The following XPNPEP3 variants were observed in gnomAD, a reference collection of about 807,000 sequenced individuals.
XPNPEP3 encodes the protein X-prolyl aminopeptidase 3.
XPNPEP3 carries 41 observed loss-of-function variants against 60.0 expected under a neutral mutation model. The ratio of observed to expected loss-of-function variants is 0.68; its 90% CI spans 0.53 to 0.89. XPNPEP3 has a LOEUF of 0.89. Ranked by LOEUF, XPNPEP3 falls within the 40% of genes least tolerant of loss-of-function variation. XPNPEP3 has a pLI of 0.00. For synonymous variants in XPNPEP3, 212 were observed against 223.2 expected (o/e 0.95, Z 0.45); for missense variants, 598 against 638.9 (o/e 0.94, Z 0.69).
At chr22:40,883,538 T>A (rs900816584) in intron 3 of XPNPEP3, among the ~76,000 whole-genome samples, 1 of 152,132 alleles carries the variant, frequency 6.6e-6, no homozygotes, top group Non-Finnish European at 1.5e-5. Context: ...TTTTTTTATT[T>A]TTTTGTAGAG....
In XPNPEP3 at chr22:40,886,535, G is replaced by A; in HGVS notation, c.792+20G>A. 1 of 1,611,516 alleles carries A rather than the reference G, an allele frequency of 6.2e-7. No homozygotes were observed. The highest frequency in any genetic ancestry group is 8.5e-7 in the Non-Finnish European group (1 of 1,179,662). Reference sequence around the variant, plus strand: ...TCACAGGTATGATTCCTATTGAAAAGTTTTTTCCAGCCGGGCGCGGTGGCT... The same window carrying A: ...TCACAGGTATGATTCCTATTGAAAAATTTTTTCCAGCCGGGCGCGGTGGCT... On this transcript the variant is annotated intron_variant, in intron 4 of 9. Transcript: ENST00000357137.
intron 2 of XPNPEP3, among the ~76,000 whole-genome samples, chr22:40,878,970 G>C (rs1300811085): frequency 6.6e-6 from 1 of 151,834 alleles, no homozygotes; most frequent in South Asian, 2.1e-4. Context: ...AAAATAAGAT[G>C]AAAAAAAGGA....
chr22:40,925,010 T>C (rs992343709), intron 9 of XPNPEP3, among the ~76,000 whole-genome samples: 1 of 152,184 alleles, frequency 6.6e-6, no homozygotes, highest in Admixed American at 6.5e-5. Context: ...TATTAAGAAA[T>C]GAATCTTTTT....
At chr22:40,882,255 A>G (rs1601499208) in intron 3 of XPNPEP3, 78 bp downstream of exon 3, 1 of 1,515,198 alleles carries the variant, frequency 6.6e-7, no homozygotes, top group East Asian at 2.3e-5. Flanking sequence ...ACAAGTCCTT[A>G]ATTTTGTTAT....
At chr22:40,902,824 C>T (rs2058139691) in intron 4 of XPNPEP3, among the ~76,000 whole-genome samples, 1 of 152,190 alleles carries the variant, frequency 6.6e-6, no homozygotes, top group Non-Finnish European at 1.5e-5. Context: ...GTATCACAGC[C>T]TGTGGCTGTC....
chr22:40,904,798 C>T (rs777780644), intron 4 of XPNPEP3, among the ~76,000 whole-genome samples: 8 of 151,900 alleles, frequency 5.3e-5, no homozygotes, highest in Non-Finnish European at 8.8e-5. Context: ...GGAGTCTTGC[C>T]GTGGTACCCA....
At chr22:40,896,511 T>C (rs1229457838) in intron 4 of XPNPEP3, among the ~76,000 whole-genome samples, 2 of 151,938 alleles carry the variant, frequency 1.3e-5, no homozygotes, top group East Asian at 1.9e-4. Flanking sequence ...ACTAAAAATA[T>C]AGAAAATTAG....
At chr22:40,884,442 G>T (rs2058060527) in intron 3 of XPNPEP3, among the ~76,000 whole-genome samples, 1 of 150,338 alleles carries the variant, frequency 6.7e-6, no homozygotes, top group African/African-American at 2.5e-5. Flanking sequence ...TAATTCTCCT[G>T]CCTCAGCCTC....
intron 7 of XPNPEP3, 127 bp from the exon 8 acceptor site, chr22:40,922,206 A>G (rs2058218992): frequency 9.3e-7 from 1 of 1,080,678 alleles, no homozygotes; most frequent in Non-Finnish European, 1.4e-6. Context: ...ATAGATTGGT[A>G]CTTATTAAAC....
intron 4 of XPNPEP3, among the ~76,000 whole-genome samples, chr22:40,905,397 T>G (rs559326376): frequency 1.3e-5 from 2 of 152,084 alleles, no homozygotes; most frequent in African/African-American, 4.8e-5. Flanking sequence ...TGATTTTAAT[T>G]GTTCATTATC....
intron 1 of XPNPEP3, among the ~76,000 whole-genome samples, chr22:40,865,854 A>G (rs895158674): frequency 2.0e-5 from 3 of 152,100 alleles, no homozygotes; most frequent in Non-Finnish European, 4.4e-5. Context: ...GTACTCTTCT[A>G]GTTTTCCTTC....
chr22:40,859,347 G>T (rs886792708), intron 1 of XPNPEP3, among the ~76,000 whole-genome samples: 15 of 152,182 alleles, frequency 9.9e-5, no homozygotes, highest in Non-Finnish European at 1.8e-4. Flanking sequence ...AAGCTATTGA[G>T]TAAGATGATT....
Position 40,922,376 on chromosome 22 carries a change from ATCCAAAGAGATTGT to A in XPNPEP3, c.1101_1114del (p.Gln368GlyfsTer25). 6.2e-7 allele frequency: 1 copy of A among 1,613,822 alleles called. No homozygotes were observed. The stretch of plus-strand genomic sequence containing the variant: ...AGAACTCTATGAAGCCGTTCTAGAG[ATCCAAAGAGATTGT>A]TTGGCCCTCTGCTTCCCTGGGACAA... On this transcript the variant is annotated frameshift_variant, in exon 8 of 10. Transcript: ENST00000357137. LOFTEE classifies it high-confidence loss of function.
chr22:40,880,664 T>A (rs1235631504), intron 2 of XPNPEP3, among the ~76,000 whole-genome samples: 1 of 151,814 alleles, frequency 6.6e-6, no homozygotes, highest in East Asian at 1.9e-4. Flanking sequence ...ATTGTTACCT[T>A]TTTAAAATTA....
intron 1 of XPNPEP3, among the ~76,000 whole-genome samples, chr22:40,865,755 T>C (rs1262886132): frequency 6.6e-6 from 1 of 151,576 alleles, no homozygotes; most frequent in African/African-American, 2.4e-5. Context: ...GGTCCCGAAC[T>C]CCTGGCCTCA....
chr22:40,877,702 T>C (rs1269360416), intron 2 of XPNPEP3, among the ~76,000 whole-genome samples: 1 of 152,206 alleles, frequency 6.6e-6, no homozygotes, highest in Non-Finnish European at 1.5e-5. Context: ...ATGCTGACTT[T>C]GTTTTTTAAT....
At chr22:40,886,232 T>G in intron 3 of XPNPEP3, 81 bp from the exon 4 acceptor site, 1 of 1,430,576 alleles carries the variant, frequency 7.0e-7, no homozygotes, top group Non-Finnish European at 9.8e-7. Context: ...TTTTGACTCT[T>G]GTTCAAGTCG....
At chr22:40,891,196 A>AG (rs2058087001) in intron 4 of XPNPEP3, among the ~76,000 whole-genome samples, 1 of 151,152 alleles carries the variant, frequency 6.6e-6, no homozygotes, top group African/African-American at 2.4e-5. Flanking sequence ...AAAAAAAAAA[A>AG]AAAAAAGTTT....
intron 5 of XPNPEP3, among the ~76,000 whole-genome samples, 155 bp downstream of exon 5, chr22:40,907,804 C>G (rs1003785674): frequency 6.6e-6 from 1 of 152,122 alleles, no homozygotes; most frequent in Non-Finnish European, 1.5e-5. Context: ...ATTTATAAGT[C>G]TAAAATATAC....
Sources: gnomAD v4.1 joint callset for allele counts (sites outside exome capture counted in the v4.1 genomes callset) on GRCh38, gnomAD v4.1.1 for gene constraint, MANE v1.5 for transcripts, NCBI Gene and HGNC (gene_info 2026-07-23, HGNC 2026-07-21) for gene names.